The following FRMD6 variants were observed in gnomAD, a reference collection of about 807,000 sequenced individuals.
FRMD6 encodes the protein FERM domain-containing protein 6.
In FRMD6, 37 loss-of-function variants were observed where a neutral mutation model predicts 73.2. That is an observed-to-expected ratio of 0.51 (90% CI 0.39 to 0.66). FRMD6 has a LOEUF of 0.66. Ranked by LOEUF, FRMD6 falls within the 30% of genes least tolerant of loss-of-function variation. The pLI is 0.00. For missense variants in FRMD6, 714 were observed against 780.5 expected (o/e 0.91, Z 1.02); for synonymous variants, 273 against 282.2 (o/e 0.97, Z 0.33).
chr14:51,680,338 G>C (rs551507502), intron 1 of FRMD6, among the ~76,000 whole-genome samples: 1 of 152,108 alleles, frequency 6.6e-6, no homozygotes, highest in Non-Finnish European at 1.5e-5. Context: ...TGAATGCCAT[G>C]CTCCTCCCAG....
intron 1 of FRMD6, among the ~76,000 whole-genome samples, chr14:51,564,644 C>G (rs1291874656): frequency 6.6e-6 from 1 of 152,126 alleles, no homozygotes; most frequent in Non-Finnish European, 1.5e-5. Flanking sequence ...AAAAGCAGCA[C>G]AACAGCCTTA....
At chr14:51,666,645 C>G (rs930423255) in intron 1 of FRMD6, among the ~76,000 whole-genome samples, 1 of 152,136 alleles carries the variant, frequency 6.6e-6, no homozygotes, top group African/African-American at 2.4e-5. Flanking sequence ...AAAAATTTAA[C>G]CTTACAAACA....
rs531098350 is a variant in FRMD6 at position 51,625,455 on chromosome 14, C to CT, written c.-147+55055dup. Among the ~76,000 whole-genome samples, 374 of 85,466 alleles carry CT rather than the reference C, an allele frequency of 4.4e-3. 2 individuals carry two copies. The highest frequency in any genetic ancestry group is 8.6e-3 in the Admixed American group (63 of 7,334). 56.1% of individuals were successfully genotyped at this position (85,466 alleles called of 152,430 possible). ...ATGGCCCTTTTGGGATTCCCCTTAT[C>CT]TTTTTTTTTTGTTGTTGTTGTTAAT... is the stretch of plus-strand genomic sequence containing the variant. On this transcript the variant is annotated intron_variant, in intron 2 of 14. Transcript: ENST00000356218.
intron 1 of FRMD6, among the ~76,000 whole-genome samples, chr14:51,528,292 C>G (rs1473948948): frequency 6.6e-6 from 1 of 152,150 alleles, no homozygotes; most frequent in Admixed American, 6.5e-5. Flanking sequence ...CCAGCTGGCC[C>G]TCAGAGATCA....
chr14:51,729,925 T>C lies in FRMD6; in HGVS notation c.*1896T>C, dbSNP rs992530490. ...AGAACCAAAGTTGCAGATATTGGAATGTATGGAAGTATCTCAGTCTCTGCA... is the reference window on the plus strand; with the variant it reads ...AGAACCAAAGTTGCAGATATTGGAACGTATGGAAGTATCTCAGTCTCTGCA... On this transcript the variant is annotated 3_prime_UTR_variant, in exon 14 of 14. Transcript: ENST00000344768. 6.5e-6 allele frequency: 1 copy of C among 152,702 alleles called. No individual in the cohort carries two copies. Among genetic ancestry groups the C allele is most frequent in the Non-Finnish European group, 1.5e-5 (1 of 68,048 alleles). 9.5% of individuals were successfully genotyped at this position (152,702 alleles called of 1,614,324 possible).
intron 1 of FRMD6, among the ~76,000 whole-genome samples, chr14:51,652,599 C>G (rs1012077410): frequency 6.6e-6 from 1 of 152,232 alleles, no homozygotes; most frequent in East Asian, 1.9e-4. Flanking sequence ...CCCCGCGTCC[C>G]GGAAAGTGCC....
intron 2 of FRMD6, among the ~76,000 whole-genome samples, chr14:51,623,152 T>C (rs1455960181): frequency 6.6e-6 from 1 of 152,184 alleles, no homozygotes; most frequent in Non-Finnish European, 1.5e-5. Flanking sequence ...AACTGGCCTC[T>C]GCACACACGT....
chr14:51,652,238 G>C (rs1483679182), intron 1 of FRMD6: 1 of 152,416 alleles, frequency 6.6e-6, no homozygotes, highest in Admixed American at 6.5e-5. Context: ...TTCTCCGTGA[G>C]TCGGAGGTCG....
At chr14:51,708,436 G>T in intron 7 of FRMD6, 1 of 511,948 alleles carries the variant, frequency 2.0e-6, no homozygotes, top group South Asian at 2.5e-5. Flanking sequence ...TGGAAGCGGG[G>T]TGGAGTATTT....
intron 2 of FRMD6, among the ~76,000 whole-genome samples, chr14:51,611,381 T>G (rs1890491212): frequency 6.6e-6 from 1 of 152,204 alleles, no homozygotes; most frequent in African/African-American, 2.4e-5. Context: ...TTCTGTTCCT[T>G]CTTCCATGGC....
At chr14:51,602,656 C>A (rs1890085682) in intron 2 of FRMD6, among the ~76,000 whole-genome samples, 1 of 152,140 alleles carries the variant, frequency 6.6e-6, no homozygotes, top group Non-Finnish European at 1.5e-5. Context: ...GCCCAAAAAG[C>A]CTAAAATATT....
chr14:51,705,054 T>C, intron 6 of FRMD6, 119 bp downstream of exon 6: 1 of 806,704 alleles, frequency 1.2e-6, no homozygotes, highest in Non-Finnish European at 1.9e-6. Context: ...AAATTCTTTG[T>C]GATGCCCAGA....
At chr14:51,490,289 T>C (rs890499577) in intron 1 of FRMD6, among the ~76,000 whole-genome samples, 1 of 152,268 alleles carries the variant, frequency 6.6e-6, no homozygotes, top group African/African-American at 2.4e-5. Flanking sequence ...AAGCTACTTA[T>C]GAACTGTGTC....
At chr14:51,505,835 A>G (rs985201665) in intron 1 of FRMD6, among the ~76,000 whole-genome samples, 11 of 152,030 alleles carry the variant, frequency 7.2e-5, no homozygotes, top group African/African-American at 2.7e-4. Context: ...CGCACTGCCC[A>G]TGGCTTCTTT....
intron 1 of FRMD6, among the ~76,000 whole-genome samples, chr14:51,558,435 T>G (rs531676691): frequency 9.4e-5 from 14 of 148,802 alleles, no homozygotes; most frequent in Non-Finnish European, 1.6e-4. Context: ...ACCACTGCAC[T>G]CCAGCCCAGG....
chr14:51,643,727 G>A (rs529234686), intron 2 of FRMD6: 1 of 152,376 alleles, frequency 6.6e-6, no homozygotes, highest in South Asian at 2.1e-4. Flanking sequence ...CAGAGATGGA[G>A]CAGCTCCAGG....
At chr14:51,546,552 AGGGT>A in intron 1 of FRMD6, 1 of 148,206 alleles carries the variant, frequency 6.7e-6, no homozygotes, top group Admixed American at 6.8e-5. Context: ...TATATCTAAC[AGGGT>A]AAAGGTAATT....
At chr14:51,472,530 C>T in the FRMD6 span, among the ~76,000 whole-genome samples, 3 of 152,162 alleles carry the variant, frequency 2.0e-5, no homozygotes, top group Non-Finnish European at 4.4e-5. Context: ...GCCTCGATCT[C>T]CTGACCTCGT....
intron 4 of FRMD6, 73 bp downstream of exon 4, chr14:51,701,232 G>T (rs1244519311): frequency 1.2e-4 from 96 of 792,744 alleles, no homozygotes; most frequent in Non-Finnish European, 2.0e-6. Context: ...TTATACATTA[G>T]AAGAAAACTG....
Sources: allele counts gnomAD v4.1 joint callset (sites outside exome capture counted in the v4.1 genomes callset), GRCh38; gene constraint gnomAD v4.1.1; transcripts MANE v1.5; gene names NCBI Gene and HGNC (gene_info 2026-07-23, HGNC 2026-07-21).